The following ZNF721 variants were observed in gnomAD, a reference collection of about 807,000 sequenced individuals.
ZNF721 encodes the protein zinc finger protein 721.
Under a neutral mutation model 2.4 loss-of-function variants are expected in ZNF721, and 2 were observed. The ratio of observed to expected loss-of-function variants is 0.82; its 90% CI spans 0.34 to 2.58. The LOEUF is 2.58. ZNF721 is among the 30% of genes most tolerant of loss of function. ZNF721 has a pLI of 0.11. For missense variants in ZNF721, 1,187 were observed against 1,085.5 expected (o/e 1.09, Z -1.31); for synonymous variants, 398 against 381.8 (o/e 1.04, Z -0.50).
chr4:456,156 C>T (rs1037744813), intron 2 of ZNF721, among the ~76,000 whole-genome samples: 5 of 152,078 alleles, frequency 3.3e-5, no homozygotes, highest in Middle Eastern at 3.4e-3. Flanking sequence ...CTGCAACCTC[C>T]GCCTCCCGGG....
chr4:451,472 C>T (rs912146795), intron 2 of ZNF721, among the ~76,000 whole-genome samples: 2 of 152,116 alleles, frequency 1.3e-5, no homozygotes, highest in African/African-American at 2.4e-5. Context: ...CATGACGAAG[C>T]TTCATGAGAC....
intron 1 of ZNF721, among the ~76,000 whole-genome samples, chr4:476,623 G>A (rs782563670): frequency 1.3e-5 from 2 of 152,116 alleles, no homozygotes; most frequent in South Asian, 2.1e-4. Context: ...ATTTCTTTCC[G>A]CAATGAGCTT....
chr4:460,535 G>C (rs1228341636), intron 2 of ZNF721, among the ~76,000 whole-genome samples: 2 of 151,004 alleles, frequency 1.3e-5, no homozygotes, highest in African/African-American at 2.4e-5. Flanking sequence ...AACTAGAGAA[G>C]CAGGTGCAAA....
rs920844518 is a variant in ZNF721, at chr4:499,153, C to A, written c.-191G>T. The A allele has an allele frequency of 4.9e-6, 3 of 616,948 alleles. No homozygotes were observed. Among genetic ancestry groups the A allele is most frequent in the Non-Finnish European group, 8.1e-6 (3 of 371,490 alleles). 38.2% of individuals were successfully genotyped at this position (616,948 alleles called of 1,614,324 possible). A position where few individuals can be genotyped will look rare whatever the true frequency, so the allele number is the denominator to read the frequency against. ...TTCGTATGTCCGAGGTGACGCCCCG[C>A]TGTGGCGGGCTGGCGGAAGTGACGC... On this transcript the variant is annotated 5_prime_UTR_variant, in exon 1 of 3. Transcript: ENST00000511833.
chr4:496,233 G>C (rs560555028), intron 1 of ZNF721, among the ~76,000 whole-genome samples: 1 of 152,216 alleles, frequency 6.6e-6, no homozygotes, highest in African/African-American at 2.4e-5. Flanking sequence ...ATTTCGCCAA[G>C]TCAGAATGTG....
In ZNF721 at chr4:480,086, A is replaced by G. The variant is rs927999472; in HGVS notation, c.-93-7385T>C. ...GATGTCAATTTGGAACTCTACAGAA[A>G]CACTTTAAGTCAATGTGGGGCTGAA... is the stretch of plus-strand genomic sequence containing the variant. On this transcript the variant is annotated intron_variant, in intron 1 of 2. Transcript: ENST00000511833. 2.0e-5 allele frequency among the ~76,000 whole-genome samples: 3 copies of G among 152,154 alleles called. No homozygotes were observed. The South Asian group carries it at 6.2e-4, about 32-fold the overall frequency.
intron 2 of ZNF721, among the ~76,000 whole-genome samples, chr4:465,685 C>T (rs531337340): frequency 4.6e-5 from 7 of 151,846 alleles, no homozygotes; most frequent in South Asian, 2.1e-4. Flanking sequence ...GCCTCGTGAT[C>T]GGCCTCCCAA....
chr4:465,647 T>C (rs1338808935), intron 2 of ZNF721, among the ~76,000 whole-genome samples: 2 of 152,026 alleles, frequency 1.3e-5, no homozygotes, highest in African/African-American at 4.8e-5. Context: ...TTAGCCAGGA[T>C]GGTCTCGATC....
chr4:479,971 C>T (rs188072949), intron 1 of ZNF721, among the ~76,000 whole-genome samples: 2 of 151,720 alleles, frequency 1.3e-5, no homozygotes, highest in East Asian at 1.9e-4. Flanking sequence ...TTGGTAATTT[C>T]GTATTTTTTT....
At chr4:478,791 T>C (rs1715701642) in intron 1 of ZNF721, among the ~76,000 whole-genome samples, 1 of 147,930 alleles carries the variant, frequency 6.8e-6, no homozygotes, top group Admixed American at 6.8e-5. Context: ...TTTTTTGAGA[T>C]GGGAGTCTCA....
At chr4:455,071 G>A (rs1278396592) in intron 2 of ZNF721, among the ~76,000 whole-genome samples, 1 of 152,174 alleles carries the variant, frequency 6.6e-6, no homozygotes, top group African/African-American at 2.4e-5. Context: ...CCGGTCTGGT[G>A]GTGAATCCTC....
At chr4:456,404 A>AATATTT (rs1560231523) in intron 2 of ZNF721, among the ~76,000 whole-genome samples, 1 of 151,524 alleles carries the variant, frequency 6.6e-6, no homozygotes, top group Non-Finnish European at 1.5e-5. Context: ...AGGTAAGGGC[A>AATATTT]ATATTTATAA....
chr4:457,259 G>A (rs571652023), intron 2 of ZNF721, among the ~76,000 whole-genome samples: 1 of 152,242 alleles, frequency 6.6e-6, no homozygotes, highest in African/African-American at 2.4e-5. Flanking sequence ...GATGGCAGGA[G>A]GTTCTCTACC....
Position 443,752 on chromosome 4 carries a change from G to T in ZNF721, c.715C>A (p.His239Asn), listed in dbSNP as rs782529181. Residue 239 changes from histidine to asparagine, a missense_variant, in exon 3 of 3, where the codon CAT becomes AAT. Coordinates refer to ENST00000511833, the MANE Select transcript of ZNF721 (RefSeq NM_133474.4). ...AFMHSSHLNK[H>N]EKIHTGEKPY... ...TTCTCTCCAGTATGAATTTTCTCAT[G>T]TTTATTCAGGTGTGAGGAATGCATA... 6.2e-7 allele frequency: 1 copy of T among 1,613,996 alleles called. No homozygotes were observed. Among genetic ancestry groups the T allele is most frequent in the Non-Finnish European group, 8.5e-7 (1 of 1,179,974 alleles).
At chr4:454,055 A>G (rs1386036549) in intron 2 of ZNF721, 1 of 152,000 alleles carries the variant, frequency 6.6e-6, no homozygotes, top group African/African-American at 2.4e-5. Flanking sequence ...GTCAACACAT[A>G]CTCCAAATCA....
chr4:493,780 C>A (rs1183987143), intron 1 of ZNF721, among the ~76,000 whole-genome samples: 1 of 151,550 alleles, frequency 6.6e-6, no homozygotes, highest in East Asian at 1.9e-4. Flanking sequence ...TTAAAACTTA[C>A]ACAGGCAAAG....
At chr4:493,000 ATATC>A (rs1302781814) in intron 1 of ZNF721, among the ~76,000 whole-genome samples, 3 of 151,960 alleles carry the variant, frequency 2.0e-5, no homozygotes, top group Non-Finnish European at 4.4e-5. Flanking sequence ...AAATAATGAA[ATATC>A]TATTATTTAA....
intron 2 of ZNF721, among the ~76,000 whole-genome samples, chr4:445,595 T>C (rs1243452492): frequency 6.6e-6 from 1 of 152,168 alleles, no homozygotes; most frequent in Non-Finnish European, 1.5e-5. Context: ...ATCTGAATAA[T>C]GCTGAATCAG....
intron 2 of ZNF721, among the ~76,000 whole-genome samples, chr4:459,572 G>A (rs1714952114): frequency 1.3e-5 from 2 of 151,882 alleles, no homozygotes; most frequent in Admixed American, 1.3e-4. Context: ...GCTCACACCT[G>A]TAACTCCCAG....
Sources: allele counts gnomAD v4.1 joint callset (sites outside exome capture counted in the v4.1 genomes callset), GRCh38; gene constraint gnomAD v4.1.1; transcripts MANE v1.5; gene names NCBI Gene and HGNC (gene_info 2026-07-23, HGNC 2026-07-21).